EVI5: variants seen among roughly 807,000 people sequenced by gnomAD.
The protein encoded by EVI5 is ecotropic viral integration site 5 protein homolog.
Under a neutral mutation model 112.0 loss-of-function variants are expected in EVI5, and 73 were observed. The ratio of observed to expected loss-of-function variants is 0.65; its 90% CI spans 0.54 to 0.79. EVI5 has a LOEUF of 0.79. EVI5 is among the 30% of genes least tolerant of loss of function. EVI5 has a pLI of 0.00. For synonymous variants in EVI5, 305 were observed against 319.9 expected, an observed-to-expected ratio of 0.95 and a Z score of 0.50; for missense variants, 900 against 968.8, an observed-to-expected ratio of 0.93 and a Z score of 0.94.
chr1:92,670,629 T>C (rs1210498303), intron 10 of EVI5, among the ~76,000 whole-genome samples: 1 of 152,190 alleles, frequency 6.6e-6, no homozygotes, highest in African/African-American at 2.4e-5. Flanking sequence ...AAATTACTGA[T>C]CACTAAATTC....
At chr1:92,525,569 A>T (rs1661736210) in intron 19 of EVI5, among the ~76,000 whole-genome samples, 1 of 152,138 alleles carries the variant, frequency 6.6e-6, no homozygotes, top group Admixed American at 6.6e-5. Flanking sequence ...GCACCCGGCC[A>T]ACAATGCTAT....
chr1:92,704,433 A>G, intron 3 of EVI5, 122 bp downstream of exon 3: 1 of 530,972 alleles, frequency 1.9e-6, no homozygotes, highest in Non-Finnish European at 3.2e-6. Flanking sequence ...AAACAAATAA[A>G]GCAGACCTCT....
rs6679706 is a variant in EVI5, at chr1:92,757,534, A to G, written c.-81-20907T>C. Among the ~76,000 whole-genome samples the G allele has an allele frequency of 1.2e-3, 177 of 152,190 alleles. 1 individual carries two copies. The highest frequency in any genetic ancestry group is 4.1e-3 in the African/African-American group (172 of 41,524). On this transcript the variant is annotated intron_variant, in intron 1 of 19. Coordinates refer to ENST00000684568, the MANE Select transcript of EVI5 (RefSeq NM_001350197.2). ...TTTAGATGATTCTACATAACTTCCT[A>G]TTATAAATAGTATAGGTATATGGAT...
intron 19 of EVI5, 129 bp from the exon 20 acceptor site, chr1:92,514,099 C>T (rs1659489942): frequency 3.7e-6 from 2 of 542,312 alleles, no homozygotes; most frequent in Non-Finnish European, 6.3e-6. Flanking sequence ...ATCATAGTTA[C>T]TAATTTTTGA....
At chr1:92,674,676 AAAGTAT>A (rs1666425524) in intron 10 of EVI5, among the ~76,000 whole-genome samples, 1 of 151,748 alleles carries the variant, frequency 6.6e-6, no homozygotes, top group Non-Finnish European at 1.5e-5. Flanking sequence ...CCCAGAACTT[AAAGTAT>A]AATTAAAAAA....
At chr1:92,720,498 T>G (rs934186144) in intron 2 of EVI5, among the ~76,000 whole-genome samples, 27 of 152,254 alleles carry the variant, frequency 1.8e-4, no homozygotes, top group Admixed American at 4.6e-4. Context: ...ACTGGATCCC[T>G]TCCTTACACC....
intron 13 of EVI5, among the ~76,000 whole-genome samples, chr1:92,641,924 C>T (rs377404374): frequency 2.6e-5 from 4 of 151,948 alleles, no homozygotes; most frequent in Non-Finnish European, 5.9e-5. Context: ...TGGATCACGA[C>T]GTCAGGAGAT....
intron 2 of EVI5, among the ~76,000 whole-genome samples, chr1:92,715,160 C>T (rs1253653410): frequency 4.6e-5 from 7 of 152,066 alleles, no homozygotes; most frequent in Non-Finnish European, 7.3e-5. Flanking sequence ...TGCCTGCCAC[C>T]ATGTCCAGCT....
At chr1:92,538,307 T>A (rs913367428) in intron 19 of EVI5, among the ~76,000 whole-genome samples, 2 of 152,160 alleles carry the variant, frequency 1.3e-5, no homozygotes, top group Non-Finnish European at 2.9e-5. Context: ...AGGAAATAAA[T>A]CACTTCACAC....
chr1:92,605,020 G>C (rs1447904538), intron 18 of EVI5, among the ~76,000 whole-genome samples: 5 of 152,184 alleles, frequency 3.3e-5, no homozygotes, highest in Non-Finnish European at 5.9e-5. Context: ...GGAATGGGAA[G>C]TTAGTGTTTA....
intron 19 of EVI5, among the ~76,000 whole-genome samples, chr1:92,526,962 ACT>A (rs1661981742): frequency 6.6e-6 from 1 of 152,130 alleles, no homozygotes; most frequent in African/African-American, 2.4e-5. Context: ...GCATACGGTA[ACT>A]CTCTTAATTT....
intron 18 of EVI5, among the ~76,000 whole-genome samples, chr1:92,565,995 G>GCA (rs1225086501): frequency 7.6e-6 from 1 of 131,654 alleles, no homozygotes; most frequent in East Asian, 2.4e-4. Flanking sequence ...AGAGTGGGTA[G>GCA]CACTCCTATA....
At chr1:92,707,024 A>G (rs1672082030) in intron 2 of EVI5, among the ~76,000 whole-genome samples, 1 of 151,904 alleles carries the variant, frequency 6.6e-6, no homozygotes, top group Non-Finnish European at 1.5e-5. Flanking sequence ...TACTAAAAAT[A>G]TAAAATTAGC....
intron 19 of EVI5, among the ~76,000 whole-genome samples, chr1:92,521,691 CAAA>C (rs1206621877): frequency 1.2e-5 from 1 of 81,846 alleles, no homozygotes. Context: ...GACTCCGTCT[CAAA>C]AAAAAAAAAA....
chr1:92,545,826 T>C (rs1462601690), intron 19 of EVI5, among the ~76,000 whole-genome samples: 1 of 152,064 alleles, frequency 6.6e-6, no homozygotes, highest in Non-Finnish European at 1.5e-5. Context: ...CTACCTTTCA[T>C]ACTAATCCTT....
chr1:92,714,150 A>C (rs1312327356), intron 2 of EVI5: 2 of 982,418 alleles, frequency 2.0e-6, no homozygotes, highest in Non-Finnish European at 2.4e-6. Context: ...CATTACATTA[A>C]ACCATTTCTT....
At chr1:92,720,125 T>C (rs533825874) in intron 2 of EVI5, among the ~76,000 whole-genome samples, 2 of 152,130 alleles carry the variant, frequency 1.3e-5, no homozygotes, top group Admixed American at 6.5e-5. Context: ...GATTCAATGC[T>C]ATCCCCATGA....
intron 16 of EVI5, among the ~76,000 whole-genome samples, chr1:92,615,455 G>C (rs1652912601): frequency 6.6e-6 from 1 of 152,188 alleles, no homozygotes; most frequent in Non-Finnish European, 1.5e-5. Flanking sequence ...TACTGTTAAA[G>C]TGAGGGCATT....
At position 92,735,094 on chromosome 1, in the gene EVI5, C is replaced by G. The variant is rs78804905; in HGVS notation, c.149+1304G>C. On this transcript the variant is annotated intron_variant, in intron 2 of 19. Coordinates refer to ENST00000684568, the MANE Select transcript of EVI5 (RefSeq NM_001350197.2). ...GTTAAACATATACCTACCATATGAT[C>G]CAGTCATTCCATTCCAAGAGAAATG... 5.9e-3 allele frequency among the ~76,000 whole-genome samples: 905 copies of G among 152,250 alleles called. 6 individuals carry two copies. Among genetic ancestry groups the G allele is most frequent in the Non-Finnish European group, 8.8e-3 (599 of 68,004 alleles).
Sources: allele counts gnomAD v4.1 joint callset (sites outside exome capture counted in the v4.1 genomes callset), GRCh38; gene constraint gnomAD v4.1.1; transcripts MANE v1.5; gene names NCBI Gene and HGNC (gene_info 2026-07-23, HGNC 2026-07-21).